N4BP2: variants seen among roughly 807,000 people sequenced by gnomAD.
The protein encoded by N4BP2 is NEDD4 binding protein 2.
In N4BP2, 91 loss-of-function variants were observed where a neutral mutation model predicts 152.8. The observed-to-expected ratio is 0.60, with a 90% confidence interval of 0.50 to 0.71. The LOEUF (loss-of-function observed/expected upper bound fraction) is 0.71, where lower values mean the gene tolerates loss of function less well. Ranked by LOEUF, N4BP2 falls within the 30% of genes least tolerant of loss-of-function variation. N4BP2 has a pLI of 0.00. For missense variants in N4BP2, 1,923 were observed against 2,059.1 expected (o/e 0.93, Z 1.28); for synonymous variants, 646 against 705.3 (o/e 0.92, Z 1.33).
Position 40,131,781 on chromosome 4 carries a change from T to C in N4BP2, c.4528-20T>C, listed in dbSNP as rs1208427117. 1.9e-6 allele frequency: 3 copies of C among 1,556,914 alleles called. No homozygotes were observed. Among genetic ancestry groups the C allele is most frequent in the Admixed American group, 3.4e-5 (2 of 59,232 alleles). The stretch of plus-strand genomic sequence containing the variant: ...ATTACACATTTCATCTTGAACATGA[T>C]TTTTATGTTTTTGTTTTAGAAAAGG... On this transcript the variant is annotated intron_variant, in intron 12 of 17. Transcript: ENST00000261435.
intron 16 of N4BP2, among the ~76,000 whole-genome samples, chr4:40,151,157 G>A (rs1175857183): frequency 6.6e-6 from 1 of 152,222 alleles, no homozygotes; most frequent in Non-Finnish European, 1.5e-5. Flanking sequence ...TATTTTCAGA[G>A]CAATAAGTGA....
At chr4:40,060,448 T>G (rs1157687201) in intron 1 of N4BP2, among the ~76,000 whole-genome samples, 1 of 152,098 alleles carries the variant, frequency 6.6e-6, no homozygotes, top group East Asian at 1.9e-4. Context: ...TTACACCTTG[T>G]TGGTCAGGCT....
intron 7 of N4BP2, 63 bp from the exon 8 acceptor site, chr4:40,117,806 T>C: frequency 2.1e-6 from 3 of 1,409,234 alleles, no homozygotes; most frequent in Non-Finnish European, 2.9e-6. Context: ...AGACATATGT[T>C]CTGATTTTTA....
chr4:40,084,994 C>T (rs1560579887), intron 2 of N4BP2, among the ~76,000 whole-genome samples: 1 of 150,568 alleles, frequency 6.6e-6, no homozygotes, highest in African/African-American at 2.4e-5. Context: ...CTCACTGCCA[C>T]CTCCGCCTCC....
chr4:40,070,100 A>G (rs1006063333), intron 1 of N4BP2, among the ~76,000 whole-genome samples: 1 of 152,234 alleles, frequency 6.6e-6, no homozygotes, highest in African/African-American at 2.4e-5. Context: ...GTAGTATGAT[A>G]CATTGAAACC....
chr4:40,121,091 A>G lies in N4BP2; in HGVS notation c.2980A>G (p.Thr994Ala). ...PTVSGVVEPQ[T>A]LAECQEQMPK... ...TGTTTCTGGAGTAGTAGAACCACAA[A>G]CGTTAGCTGAATGTCAAGAGCAAAT... Residue 994 changes from threonine (T) to alanine (A), a missense_variant, in exon 9 of 18, where the codon ACG becomes GCG. Transcript: ENST00000261435. The G allele has an allele frequency of 6.2e-7, 1 of 1,614,056 alleles. No individual in the cohort carries two copies. The highest frequency in any genetic ancestry group is 8.5e-7 in the Non-Finnish European group (1 of 1,180,012).
chr4:40,189,999 T>C, the N4BP2 span, among the ~76,000 whole-genome samples: 1 of 152,160 alleles, frequency 6.6e-6, no homozygotes, highest in Non-Finnish European at 1.5e-5. The surrounding 1 kb of genome is among the most constrained non-coding windows in gnomAD (Gnocchi z 4.3). Flanking sequence ...TAAAAGACTT[T>C]ACATTTTTCG....
the N4BP2 span, among the ~76,000 whole-genome samples, chr4:40,177,849 T>TA: frequency 6.6e-6 from 1 of 152,168 alleles, no homozygotes; most frequent in African/African-American, 2.4e-5. Flanking sequence ...GACAGCAACT[T>TA]TATTTTCACA....
chr4:40,157,049 A>G lies in N4BP2; in HGVS notation c.*2812A>G, dbSNP rs1232100393. 6.6e-6 allele frequency: 1 copy of G among 152,116 alleles called. No individual in the cohort carries two copies. The highest frequency in any genetic ancestry group is 2.4e-5 in the African/African-American group (1 of 41,432). 9.4% of individuals were successfully genotyped at this position (152,116 alleles called of 1,614,324 possible). On this transcript the variant is annotated 3_prime_UTR_variant, in exon 18 of 18. Coordinates refer to ENST00000261435, the MANE Select transcript of N4BP2 (RefSeq NM_018177.6). Reference sequence around the variant, plus strand: ...AGTATGGAAGGTTTCAGTAATAATTATATTCATTCAGTAGTCTCTTACCAT... The same window carrying G: ...AGTATGGAAGGTTTCAGTAATAATTGTATTCATTCAGTAGTCTCTTACCAT...
chr4:40,189,341 G>C, the N4BP2 span, among the ~76,000 whole-genome samples: 1 of 152,228 alleles, frequency 6.6e-6, no homozygotes, highest in Non-Finnish European at 1.5e-5. This position sits in a 1 kb window ranked among gnomAD's most constrained non-coding sequence, Gnocchi z 4.3. Flanking sequence ...AGTCTGTGAT[G>C]GAAAAGACTT....
chr4:40,120,058 T>C lies in N4BP2; in HGVS notation c.1947T>C (p.Asn649=). Residue 649 remains asparagine (N), a synonymous_variant, in exon 9 of 18, where the codon AAT becomes AAC. Transcript: ENST00000261435. The stretch of plus-strand genomic sequence containing the variant: ...CCAAAGAAACAATGTTACCTGAGAA[T>C]GTTGCATATCTCTCTAATGCAGATT... The part of the protein sequence containing the change: ...DVTKETMLPE[N]VAYLSNADLN... The C allele has an allele frequency of 7.5e-6, 12 of 1,610,014 alleles. No homozygotes were observed. Among genetic ancestry groups the C allele is most frequent in the Non-Finnish European group, 1.0e-5 (12 of 1,176,630 alleles).
At chr4:40,180,441 G>A in the N4BP2 span, among the ~76,000 whole-genome samples, 1 of 152,094 alleles carries the variant, frequency 6.6e-6, no homozygotes, top group South Asian at 2.1e-4. Flanking sequence ...CAGATAGTTA[G>A]TCACTCTCAT....
At chr4:40,061,783 G>A (rs946964958) in intron 1 of N4BP2, among the ~76,000 whole-genome samples, 16 of 151,820 alleles carry the variant, frequency 1.1e-4, no homozygotes, top group Non-Finnish European at 1.9e-4. Context: ...TCCTGCCTCA[G>A]CCTCCCGAGT....
intron 2 of N4BP2, among the ~76,000 whole-genome samples, chr4:40,095,610 G>C (rs1178703693): frequency 6.6e-6 from 1 of 152,076 alleles, no homozygotes; most frequent in African/African-American, 2.4e-5. Context: ...TTAATTAAAA[G>C]GTAAATTTTA....
the N4BP2 span, among the ~76,000 whole-genome samples, chr4:40,168,927 T>A: frequency 6.6e-6 from 1 of 152,028 alleles, no homozygotes; most frequent in Non-Finnish European, 1.5e-5. Flanking sequence ...GGTTTCACCA[T>A]GTTGGCCAAG....
intron 1 of N4BP2, among the ~76,000 whole-genome samples, chr4:40,066,842 C>G (rs1170669709): frequency 2.0e-5 from 3 of 152,074 alleles, no homozygotes; most frequent in African/African-American, 7.2e-5. Context: ...AACTGAAACT[C>G]TGTACCCAGT....
chr4:40,103,012 C>A lies in N4BP2; in HGVS notation c.1167C>A (p.His389Gln). 1 of 1,614,158 alleles carries A rather than the reference C, an allele frequency of 6.2e-7. No homozygotes were observed. Among genetic ancestry groups the A allele is most frequent in the South Asian group, 1.1e-5 (1 of 91,084 alleles). ...FVAPVVTTAA[H>Q]WRSVNYTFPP... is the part of the protein sequence containing the mutation. ...CTCCTGTTGTAACCACAGCTGCACA[C>A]TGGAGATCTGTCAACTACACATTTC... Residue 389 changes from histidine to glutamine, a missense_variant, in exon 4 of 18, where the codon CAC (histidine) becomes CAA (glutamine). Transcript: ENST00000261435.
intron 1 of N4BP2, among the ~76,000 whole-genome samples, chr4:40,063,700 A>G (rs1235826467): frequency 2.6e-5 from 4 of 151,862 alleles, no homozygotes; most frequent in Admixed American, 6.6e-5. Context: ...CTGGAGTGCA[A>G]TGGTGTGATC....
the N4BP2 span, among the ~76,000 whole-genome samples, chr4:40,164,818 AG>A: frequency 6.6e-6 from 1 of 152,210 alleles, no homozygotes; most frequent in Non-Finnish European, 1.5e-5. Context: ...CCAACAAAAT[AG>A]GCTTATACAT....
Sources: gnomAD v4.1 joint callset for allele counts (sites outside exome capture counted in the v4.1 genomes callset) on GRCh38, gnomAD v4.1.1 for gene constraint, Gnocchi (gnomAD v3.1) non-coding constraint, MANE v1.5 for transcripts, NCBI Gene and HGNC (gene_info 2026-07-23, HGNC 2026-07-21) for gene names.